The following CAMTA1 variants were observed in gnomAD, a reference collection of about 807,000 sequenced individuals.
The protein encoded by CAMTA1 is calmodulin-binding transcription activator 1.
In CAMTA1, 27 loss-of-function variants were observed where a neutral mutation model predicts 170.9. The observed-to-expected ratio is 0.16, with a 90% CI of 0.12 to 0.22. The LOEUF is 0.22. Among genes scored for constraint, CAMTA1 ranks in the 10% least tolerant of loss-of-function variants. The pLI, the probability that CAMTA1 is intolerant of heterozygous loss-of-function variation, is 1.00. For missense variants in CAMTA1, 1,619 were observed against 2,217.2 expected (o/e 0.73, Z 5.42); for synonymous variants, 833 against 891.5 (o/e 0.93, Z 1.17).
At chr1:6,849,632 A>G (rs1659611254) in intron 3 of CAMTA1, among the ~76,000 whole-genome samples, 2 of 151,656 alleles carry the variant, frequency 1.3e-5, no homozygotes, top group Non-Finnish European at 2.9e-5. Flanking sequence ...AGGAAAAAAA[A>G]AATTATATAT....
chr1:7,070,163 C>CT (rs1424592175), intron 3 of CAMTA1, among the ~76,000 whole-genome samples: 1 of 152,238 alleles, frequency 6.6e-6, no homozygotes, highest in Non-Finnish European at 1.5e-5. Context: ...CTGGCCTCTC[C>CT]TTTCCTCTGC....
intron 3 of CAMTA1, among the ~76,000 whole-genome samples, chr1:6,898,690 T>C (rs1291446457): frequency 6.6e-6 from 1 of 152,202 alleles, no homozygotes; most frequent in Non-Finnish European, 1.5e-5. Flanking sequence ...ATGGTACAGA[T>C]GCTTTCCAGG....
chr1:7,120,503 G>A (rs778389720), intron 4 of CAMTA1, among the ~76,000 whole-genome samples: 2 of 152,210 alleles, frequency 1.3e-5, no homozygotes, highest in Non-Finnish European at 2.9e-5. Flanking sequence ...GAGAGAGCCT[G>A]CTAGCAAGAT....
chr1:7,635,592 G>A lies in CAMTA1; in HGVS notation c.511-4808G>A, dbSNP rs2095705540. Among the ~76,000 whole-genome samples, 1 of 145,988 alleles carries A rather than the reference G, an allele frequency of 6.8e-6. No homozygotes were observed. The highest frequency in any genetic ancestry group is 1.5e-5 in the Non-Finnish European group (1 of 67,318). On this transcript the variant is annotated intron_variant, in intron 6 of 22. Coordinates refer to ENST00000303635, the MANE Select transcript of CAMTA1 (RefSeq NM_015215.4). The surrounding 1 kb of genome is among the most constrained non-coding windows in gnomAD (Gnocchi z 4.4). Reference sequence around the variant, plus strand: ...CCACTGCACTCCAGCCTGGGGGACAGAGCAAGACTCCGTCTCAAAAAAAAA... The same window carrying A: ...CCACTGCACTCCAGCCTGGGGGACAAAGCAAGACTCCGTCTCAAAAAAAAA...
chr1:7,402,153 A>G (rs1459510581), intron 5 of CAMTA1, among the ~76,000 whole-genome samples: 1 of 152,178 alleles, frequency 6.6e-6, no homozygotes, highest in East Asian at 1.9e-4. Flanking sequence ...GTTTTTTCCT[A>G]ATCCAGGTGT....
intron 6 of CAMTA1, among the ~76,000 whole-genome samples, chr1:7,587,145 C>A (rs550275513): frequency 6.6e-6 from 1 of 152,186 alleles, no homozygotes; most frequent in Non-Finnish European, 1.5e-5. Flanking sequence ...CCATCCCAGA[C>A]CAGGTGAGAG....
chr1:7,334,135 TAAG>T (rs1284678172), intron 5 of CAMTA1, among the ~76,000 whole-genome samples: 1 of 152,188 alleles, frequency 6.6e-6, no homozygotes, highest in African/African-American at 2.4e-5. Flanking sequence ...TGAACACGTG[TAAG>T]AAGAATATTA....
intron 5 of CAMTA1, among the ~76,000 whole-genome samples, chr1:7,255,024 A>AT (rs1667155771): frequency 1.3e-5 from 2 of 152,230 alleles, no homozygotes; most frequent in Non-Finnish European, 2.9e-5. Context: ...GTAAAAAATC[A>AT]TGTGTCTCAC....
intron 9 of CAMTA1, among the ~76,000 whole-genome samples, chr1:7,668,081 C>T (rs376980295): frequency 6.6e-6 from 1 of 152,202 alleles, no homozygotes; most frequent in East Asian, 1.9e-4. Flanking sequence ...CTGTCCCCTC[C>T]CTGCCAGCCT....
intron 3 of CAMTA1, among the ~76,000 whole-genome samples, chr1:6,907,388 T>C (rs1433180136): frequency 6.6e-6 from 1 of 152,014 alleles, no homozygotes; most frequent in South Asian, 2.1e-4. Flanking sequence ...CTCCCCCCGC[T>C]GTCCCGTGTT....
chr1:7,104,218 C>T (rs1397534073), intron 4 of CAMTA1, among the ~76,000 whole-genome samples: 2 of 150,258 alleles, frequency 1.3e-5, no homozygotes, highest in African/African-American at 4.9e-5. Flanking sequence ...CACATGTACA[C>T]ACAACACAAC....
chr1:7,732,154 G>A lies in CAMTA1; in HGVS notation c.2915-294G>A. On this transcript the variant is annotated intron_variant, in intron 11 of 22. Coordinates refer to ENST00000303635, the MANE Select transcript of CAMTA1 (RefSeq NM_015215.4). This position sits in a 1 kb window ranked among gnomAD's most constrained non-coding sequence, Gnocchi z 4.1. ...GATCTCATGTCAGGGTTTCCGTTGG[G>A]GAATTTGACAAAGAAACTAGGGGGC... 6.6e-6 allele frequency among the ~76,000 whole-genome samples: 1 copy of A among 151,954 alleles called. No homozygotes were observed. The highest frequency in any genetic ancestry group is 2.1e-4 in the South Asian group (1 of 4,816).
At chr1:6,980,248 C>T (rs771538380) in intron 3 of CAMTA1, among the ~76,000 whole-genome samples, 1 of 152,172 alleles carries the variant, frequency 6.6e-6, no homozygotes, top group African/African-American at 2.4e-5. Context: ...CTGATGGGCC[C>T]TTACCATTCT....
intron 6 of CAMTA1, among the ~76,000 whole-genome samples, chr1:7,481,798 G>T (rs2093540282): frequency 1.1e-5 from 1 of 92,110 alleles, no homozygotes; most frequent in Admixed American, 1.1e-4. Context: ...TTTGCATACA[G>T]TTCTTTTTTT....
chr1:7,390,195 A>G (rs373095174), intron 5 of CAMTA1, among the ~76,000 whole-genome samples: 1 of 152,124 alleles, frequency 6.6e-6, no homozygotes, highest in Admixed American at 6.5e-5. Context: ...CTGGGCCTCT[A>G]GGAGCTGCCA....
In CAMTA1 at chr1:7,585,225, T is replaced by C. The variant is rs1216482534; in HGVS notation, c.511-55175T>C. Among the ~76,000 whole-genome samples, 1 of 152,122 alleles carries C rather than the reference T, an allele frequency of 6.6e-6. No homozygotes were observed. Among genetic ancestry groups the C allele is most frequent in the Non-Finnish European group, 1.5e-5 (1 of 68,018 alleles). ...TGGATTGTGGGCCTGTAATATAATT[T>C]AAGATAGTGATAAATGCAGTAACGA... is the stretch of plus-strand genomic sequence containing the variant. On this transcript the variant is annotated intron_variant, in intron 6 of 22. Coordinates refer to ENST00000303635, the MANE Select transcript of CAMTA1 (RefSeq NM_015215.4). The surrounding 1 kb of genome is among the most constrained non-coding windows in gnomAD (Gnocchi z 4.8).
At chr1:7,764,774 A>T (rs1401151942) in intron 22 of CAMTA1, among the ~76,000 whole-genome samples, 2 of 152,100 alleles carry the variant, frequency 1.3e-5, no homozygotes, top group Non-Finnish European at 1.5e-5. Flanking sequence ...AGCCTGGCCA[A>T]CATGGCGAAA....
intron 6 of CAMTA1, among the ~76,000 whole-genome samples, chr1:7,517,967 T>C (rs2094309614): frequency 6.6e-6 from 1 of 151,890 alleles, no homozygotes; most frequent in Admixed American, 6.5e-5. Context: ...CCTGGGCAAT[T>C]GACTGAACCA....
intron 4 of CAMTA1, among the ~76,000 whole-genome samples, chr1:7,204,809 C>CT (rs61639082): frequency 1.2e-4 from 15 of 120,964 alleles, no homozygotes; most frequent in Middle Eastern, 5.4e-3. Context: ...GTCAGAGTTT[C>CT]TTTTTTTTTT....
Sources: allele counts gnomAD v4.1 joint callset (sites outside exome capture counted in the v4.1 genomes callset), GRCh38; gene constraint gnomAD v4.1.1; non-coding constraint Gnocchi (gnomAD v3.1); transcripts MANE v1.5; gene names NCBI Gene and HGNC (gene_info 2026-07-23, HGNC 2026-07-21).